The following DOCK8 variants were observed in gnomAD, a reference collection of about 807,000 sequenced individuals.
The protein encoded by DOCK8 is dedicator of cytokinesis 8.
In DOCK8, 141 loss-of-function variants were observed where a neutral mutation model predicts 245.6. The observed-to-expected ratio is 0.57, with a 90% confidence interval of 0.50 to 0.66. The LOEUF (loss-of-function observed/expected upper bound fraction) is 0.66, where lower values mean the gene tolerates loss of function less well. DOCK8 is among the 30% of genes least tolerant of loss of function. The pLI is 0.00. For synonymous variants in DOCK8, 1,168 were observed against 970.2 expected (o/e 1.20, Z -3.79); for missense variants, 2,965 against 2,603.4 (o/e 1.14, Z -3.02).
chr9:250,357 C>G (rs2047616783), intron 1 of DOCK8, among the ~76,000 whole-genome samples: 1 of 152,078 alleles, frequency 6.6e-6, no homozygotes, highest in Non-Finnish European at 1.5e-5. Flanking sequence ...GTTTTGGGCT[C>G]AACAGCTTTG....
chr9:415,692 G>GCACACACGCACACA (rs1554699022), intron 29 of DOCK8, among the ~76,000 whole-genome samples: 5 of 150,978 alleles, frequency 3.3e-5, no homozygotes, highest in South Asian at 2.1e-4. Context: ...GTGCGCGCGT[G>GCACACACGCACACA]CACACACACA....
chr9:382,363 A>T, intron 21 of DOCK8, 150 bp from the exon 22 acceptor site: 1 of 1,091,574 alleles, frequency 9.2e-7, no homozygotes, highest in South Asian at 1.3e-5. Context: ...ATTGCCTCCT[A>T]CCCCAACCAG....
intron 46 of DOCK8, among the ~76,000 whole-genome samples, chr9:453,722 C>T (rs1034139844): frequency 3.3e-5 from 5 of 152,106 alleles, no homozygotes; most frequent in African/African-American, 7.2e-5. Flanking sequence ...CCACCGTGCC[C>T]GGCCCTATTT....
At chr9:387,871 G>A (rs753609298) in intron 23 of DOCK8, among the ~76,000 whole-genome samples, 4 of 152,136 alleles carry the variant, frequency 2.6e-5, no homozygotes, top group Non-Finnish European at 4.4e-5. Context: ...TGTCCTGTTT[G>A]GTTTCGCAGT....
Position 255,647 on chromosome 9 carries a change from GA to G in DOCK8, c.54-15979del, listed in dbSNP as rs538757540. 2.5e-3 allele frequency among the ~76,000 whole-genome samples: 289 copies of G among 117,932 alleles called. 2 individuals are homozygous for G. Among genetic ancestry groups the G allele is most frequent in the African/African-American group, 8.7e-3 (263 of 30,118 alleles). 77.4% of individuals were successfully genotyped at this position (117,932 alleles called of 152,430 possible). The stretch of plus-strand genomic sequence containing the variant: ...CGCGCCACTGCACTCCAGCCTGGGG[GA>G]TAGAGCAAGACTCCATCTCCAAAAA... On this transcript the variant is annotated intron_variant, in intron 1 of 47. Coordinates refer to ENST00000432829, the MANE Select transcript of DOCK8 (RefSeq NM_203447.4).
chr9:445,785 T>C (rs2131838498), intron 43 of DOCK8, among the ~76,000 whole-genome samples: 1 of 152,346 alleles, frequency 6.6e-6, no homozygotes, highest in South Asian at 2.1e-4. Context: ...GTACAGGTTT[T>C]TGTATGGACA....
chr9:304,623 A>T lies in DOCK8; in HGVS notation c.447A>T (p.Gly149=). ...SPEICGFKKT[G]SRKDFHKTLP... ...AAATCTGTGGCTTTAAAAAGACTGGATCTCGAAAAGATTTTCACAAGACGC... is the reference window on the plus strand; with the variant it reads ...AAATCTGTGGCTTTAAAAAGACTGGTTCTCGAAAAGATTTTCACAAGACGC... Residue 149 remains glycine, a synonymous_variant, in exon 5 of 48, where the codon GGA becomes GGT. Transcript: ENST00000432829. 3 of 1,614,208 alleles carry T rather than the reference A, an allele frequency of 1.9e-6. No individual in the cohort carries two copies. Among genetic ancestry groups the T allele is most frequent in the Non-Finnish European group, 2.5e-6 (3 of 1,180,026 alleles).
At chr9:220,188 T>G (rs2131333740) in intron 1 of DOCK8, among the ~76,000 whole-genome samples, 1 of 152,308 alleles carries the variant, frequency 6.6e-6, no homozygotes, top group East Asian at 1.9e-4. Flanking sequence ...ACAGAATTTT[T>G]GGCCTTTCAC....
At chr9:334,882 G>A (rs1398158289) in intron 11 of DOCK8, among the ~76,000 whole-genome samples, 6 of 152,124 alleles carry the variant, frequency 3.9e-5, no homozygotes, top group Admixed American at 1.3e-4. Context: ...AGGAGTTCGA[G>A]ACCAGCCTGG....
intron 1 of DOCK8, among the ~76,000 whole-genome samples, chr9:249,070 C>T (rs1288955945): frequency 6.6e-6 from 1 of 152,172 alleles, no homozygotes; most frequent in African/African-American, 2.4e-5. Context: ...GCTCTTGGTA[C>T]CTGTTGTTGC....
intron 14 of DOCK8, chr9:365,618 T>C (rs532377575): frequency 4.4e-6 from 2 of 456,096 alleles, no homozygotes; most frequent in Non-Finnish European, 8.8e-6. Context: ...CAGCTGTTGC[T>C]CATTAATGCT....
chr9:214,861 G>T (rs1411079343), upstream of DOCK8: 1 of 1,602,142 alleles, frequency 6.2e-7, no homozygotes, highest in African/African-American at 1.4e-5. Context: ...TTCCAGCGCC[G>T]ACCGACAGAC....
chr9:343,834 T>G (rs953142268), intron 14 of DOCK8, among the ~76,000 whole-genome samples: 7 of 152,248 alleles, frequency 4.6e-5, no homozygotes, highest in Admixed American at 1.3e-4. Flanking sequence ...TGGAAGAGAC[T>G]TGCATCCAAT....
At chr9:305,307 G>C (rs1400283251) in intron 5 of DOCK8, among the ~76,000 whole-genome samples, 1 of 151,134 alleles carries the variant, frequency 6.6e-6, no homozygotes, top group Non-Finnish European at 1.5e-5. Context: ...TGTTGAGACA[G>C]AGTCTCGCTC....
chr9:358,232 A>G (rs974373998), intron 14 of DOCK8, among the ~76,000 whole-genome samples: 3 of 152,020 alleles, frequency 2.0e-5, no homozygotes, highest in African/African-American at 7.2e-5. Context: ...TTACAGGCAT[A>G]CACCACCATG....
At chr9:368,704 C>CA (rs2053137506) in intron 15 of DOCK8, 1 of 151,452 alleles carries the variant, frequency 6.6e-6, no homozygotes, top group South Asian at 2.1e-4. Flanking sequence ...CCAAGGAACT[C>CA]AAAATGCCAG....
intron 1 of DOCK8, among the ~76,000 whole-genome samples, chr9:242,913 C>G (rs968197466): frequency 6.6e-6 from 1 of 151,930 alleles, no homozygotes; most frequent in South Asian, 2.1e-4. Flanking sequence ...CTAAACAGTA[C>G]CAGAGGTAGC....
chr9:318,401 TC>T (rs1322953994), intron 7 of DOCK8, among the ~76,000 whole-genome samples: 2 of 152,180 alleles, frequency 1.3e-5, no homozygotes, highest in African/African-American at 4.8e-5. Flanking sequence ...CCTGGGAACT[TC>T]CCTGGGATTT....
intron 24 of DOCK8, among the ~76,000 whole-genome samples, chr9:396,280 A>C (rs979336504): frequency 6.6e-6 from 1 of 152,178 alleles, no homozygotes; most frequent in South Asian, 2.1e-4. Context: ...TTCTGGAAAA[A>C]CTGTGCTCCC....
Sources: allele counts gnomAD v4.1 joint callset (sites outside exome capture counted in the v4.1 genomes callset), GRCh38; gene constraint gnomAD v4.1.1; transcripts MANE v1.5; gene names NCBI Gene and HGNC (gene_info 2026-07-23, HGNC 2026-07-21).